The following CREB3L2 variants were observed in gnomAD, a reference collection of about 807,000 sequenced individuals.
The protein encoded by CREB3L2 is cyclic AMP-responsive element-binding protein 3-like protein 2.
In CREB3L2, 23 loss-of-function variants were observed where a neutral mutation model predicts 57.2. The ratio of observed to expected loss-of-function variants is 0.40; its 90% CI spans 0.29 to 0.57. CREB3L2 has a LOEUF of 0.57. Ranked by LOEUF, CREB3L2 falls within the 20% of genes least tolerant of loss-of-function variation. The pLI, the probability that CREB3L2 is intolerant of heterozygous loss-of-function variation, is 0.42. For synonymous variants in CREB3L2, 268 were observed against 265.1 expected (o/e 1.01, Z -0.11); for missense variants, 628 against 634.7 (o/e 0.99, Z 0.11).
chr7:137,904,033 GGGA>G lies in CREB3L2; in HGVS notation c.916-19_916-17del, dbSNP rs1489526608. 6.2e-7 allele frequency: 1 copy of G among 1,601,724 alleles called. No homozygotes were observed. Among genetic ancestry groups the G allele is most frequent in the Non-Finnish European group, 8.6e-7 (1 of 1,168,632 alleles). Reference sequence around the variant, plus strand: ...GAGCAGAAATCTGAGAGAGAGGAGTGGGAGGAGAATGATTAATTTCCAGCTCTG... The same window carrying G: ...GAGCAGAAATCTGAGAGAGAGGAGTGGGAGAATGATTAATTTCCAGCTCTG... On this transcript the variant is annotated splice_polypyrimidine_tract_variant and intron_variant, in intron 6 of 11. Transcript: ENST00000330387.
intron 1 of CREB3L2, among the ~76,000 whole-genome samples, chr7:137,997,910 T>C (rs1008858432): frequency 1.3e-5 from 2 of 152,088 alleles, no homozygotes; most frequent in African/African-American, 4.8e-5. Flanking sequence ...CCAAGAGATA[T>C]TCTCCTGATT....
intron 1 of CREB3L2, among the ~76,000 whole-genome samples, chr7:137,974,486 G>A (rs879869360): frequency 5.3e-5 from 8 of 152,178 alleles, no homozygotes; most frequent in African/African-American, 7.2e-5. Context: ...TGGATGGAGC[G>A]CAGATTGTCA....
At chr7:137,965,751 C>A (rs1353197789) in intron 1 of CREB3L2, among the ~76,000 whole-genome samples, 3 of 152,084 alleles carry the variant, frequency 2.0e-5, no homozygotes, top group Non-Finnish European at 4.4e-5. Flanking sequence ...ACTCAAAATC[C>A]CACTCCACTT....
At chr7:137,992,853 CTA>C (rs1329977087) in intron 1 of CREB3L2, among the ~76,000 whole-genome samples, 1 of 152,120 alleles carries the variant, frequency 6.6e-6, no homozygotes, top group Admixed American at 6.6e-5. Context: ...AGAGAAAAGA[CTA>C]TTGGATTTAG....
At chr7:137,977,526 C>A (rs1393355363) in intron 1 of CREB3L2, among the ~76,000 whole-genome samples, 2 of 152,190 alleles carry the variant, frequency 1.3e-5, no homozygotes, top group African/African-American at 4.8e-5. Flanking sequence ...TTCCAAAAAA[C>A]CTTGAAAATT....
rs115073378 is a variant in CREB3L2, at chr7:137,950,954, C to T, written c.103-22588G>A. On this transcript the variant is annotated intron_variant, in intron 1 of 11. Coordinates refer to ENST00000330387, the MANE Select transcript of CREB3L2 (RefSeq NM_194071.4). ...CAGATTCCATATTTCTGAATTGTGT[C>T]TAATTGATAAAATGTATTTGTAACC... 2.6e-3 allele frequency among the ~76,000 whole-genome samples: 393 copies of T among 152,250 alleles called. 1 individual carries two copies. Among genetic ancestry groups the T allele is most frequent in the African/African-American group, 9.1e-3 (377 of 41,544 alleles).
intron 1 of CREB3L2, among the ~76,000 whole-genome samples, chr7:137,942,813 G>A (rs1800899760): frequency 6.6e-6 from 1 of 152,196 alleles, no homozygotes; most frequent in Non-Finnish European, 1.5e-5. Flanking sequence ...TTGAACAATG[G>A]TGGATAGCTG....
At chr7:137,901,192 G>T (rs58258788) in intron 8 of CREB3L2, among the ~76,000 whole-genome samples, 162 bp downstream of exon 8, 15,709 of 152,218 alleles carry the variant, frequency 0.1, 2,605 homozygotes, top group African/African-American at 0.35. Flanking sequence ...GTGTGTAGCA[G>T]GAGTGGGTGG....
chr7:137,916,068 C>A (rs1471621978), intron 2 of CREB3L2, 56 bp from the exon 3 acceptor site: 129 of 1,400,818 alleles, frequency 9.2e-5, no homozygotes, highest in Middle Eastern at 3.7e-4. Context: ...CAGGCATAAG[C>A]AAAACAAGCG....
At position 137,880,360 on chromosome 7, in the gene CREB3L2, A is replaced by G. The variant is rs1272522084; in HGVS notation, c.*116T>C. On this transcript the variant is annotated 3_prime_UTR_variant, in exon 12 of 12. Transcript: ENST00000330387. This position sits in a 1 kb window ranked among gnomAD's most constrained non-coding sequence, Gnocchi z 4.0. ...GCTGGTCTCCAATCTGAAGCCACTA[A>G]TGCTTGCCCATGTCTCCATGAAGAT... is the stretch of plus-strand genomic sequence containing the variant. 2 of 827,140 alleles carry G rather than the reference A, an allele frequency of 2.4e-6. No individual in the cohort carries two copies. Among genetic ancestry groups the G allele is most frequent in the Non-Finnish European group, 4.0e-6 (2 of 495,122 alleles). The allele number at this position is 827,140 out of a possible 1,614,324, so 51.2% of individuals were successfully genotyped here.
At chr7:137,993,015 A>G (rs1442214444) in intron 1 of CREB3L2, among the ~76,000 whole-genome samples, 1 of 152,210 alleles carries the variant, frequency 6.6e-6, no homozygotes, top group Non-Finnish European at 1.5e-5. Flanking sequence ...AGCATCTGGC[A>G]AACATGTGTT....
intron 4 of CREB3L2, among the ~76,000 whole-genome samples, chr7:137,909,228 G>T (rs1351856450): frequency 6.6e-6 from 1 of 152,216 alleles, no homozygotes. Flanking sequence ...AGATACGGGA[G>T]TGAGCACAGG....
At chr7:137,925,945 A>T (rs1201430060) in intron 2 of CREB3L2, among the ~76,000 whole-genome samples, 2 of 152,246 alleles carry the variant, frequency 1.3e-5, no homozygotes, top group Non-Finnish European at 2.9e-5. Flanking sequence ...AATTACCAGC[A>T]CGGCCTGTCA....
rs371730584 is a variant in CREB3L2 at position 137,994,440 on chromosome 7, T to C, written c.102+7164A>G. ...TGGTAAGCATGATTACAGGCTCAGC[T>C]AGCTACCTCCAGCCCTGGTATTCTA... is the stretch of plus-strand genomic sequence containing the variant. On this transcript the variant is annotated intron_variant, in intron 1 of 11. Transcript: ENST00000330387. Among the ~76,000 whole-genome samples the C allele has an allele frequency of 6.6e-4, 100 of 152,350 alleles. 1 individual carries two copies. The highest frequency in any genetic ancestry group is 3.4e-3 in the Middle Eastern group (1 of 294).
At chr7:137,899,117 G>GAAGT (rs1799694239) in intron 8 of CREB3L2, among the ~76,000 whole-genome samples, 1 of 84,056 alleles carries the variant, frequency 1.2e-5, no homozygotes. Context: ...AGGAAGGAAG[G>GAAGT]AAGGAAGGAA....
At position 137,916,032 on chromosome 7, in the gene CREB3L2, C is replaced by G. The variant is rs1023934826; in HGVS notation, c.320-20G>C. On this transcript the variant is annotated intron_variant, in intron 2 of 11. Coordinates refer to ENST00000330387, the MANE Select transcript of CREB3L2 (RefSeq NM_194071.4). ...CCTCATCTGCAGGAAAAAAGACAAG[C>G]ACACATGTGAACTTGTTCAGGGCAT... 6 of 1,603,220 alleles carry G rather than the reference C, an allele frequency of 3.7e-6. No individual in the cohort carries two copies. In the African/African-American group the frequency reaches 6.7e-5, roughly 18 times the overall value.
chr7:137,892,340 A>G (rs1326426740), intron 8 of CREB3L2, among the ~76,000 whole-genome samples: 1 of 145,258 alleles, frequency 6.9e-6, no homozygotes, highest in African/African-American at 2.8e-5. Context: ...TATCTAATGC[A>G]CACAATTAAA....
chr7:137,962,033 T>C (rs1801331902), intron 1 of CREB3L2, among the ~76,000 whole-genome samples: 1 of 152,082 alleles, frequency 6.6e-6, no homozygotes, highest in Non-Finnish European at 1.5e-5. Flanking sequence ...ACGCGCCTGC[T>C]CTGCTCTTCC....
intron 1 of CREB3L2, among the ~76,000 whole-genome samples, chr7:137,994,516 A>C (rs1248203303): frequency 6.6e-6 from 1 of 152,224 alleles, no homozygotes; most frequent in Non-Finnish European, 1.5e-5. Context: ...TCTCCTAGTT[A>C]GTGAGTCAAG....
Sources: gnomAD v4.1 joint callset for allele counts (sites outside exome capture counted in the v4.1 genomes callset) on GRCh38, gnomAD v4.1.1 for gene constraint, Gnocchi (gnomAD v3.1) non-coding constraint, MANE v1.5 for transcripts, NCBI Gene and HGNC (gene_info 2026-07-23, HGNC 2026-07-21) for gene names.